RTF1: variants seen among roughly 807,000 people sequenced by gnomAD.
The protein encoded by RTF1 is RNA polymerase-associated protein RTF1 homolog.
RTF1 carries 10 observed loss-of-function variants against 95.7 expected under a neutral mutation model. That is an observed-to-expected ratio of 0.10 (90% confidence interval 0.06 to 0.18). The LOEUF (loss-of-function observed/expected upper bound fraction) is 0.18, where lower values mean the gene tolerates loss of function less well. Among genes scored for constraint, RTF1 ranks in the 10% least tolerant of loss-of-function variants. The probability of loss-of-function intolerance (pLI) is 1.00; values close to 1 mark genes in which losing one functional copy is unlikely to be tolerated. For synonymous variants in RTF1, 305 were observed against 311.8 expected, an observed-to-expected ratio of 0.98 and a Z score of 0.23; for missense variants, 458 against 875.6, an observed-to-expected ratio of 0.52 and a Z score of 6.02.
intron 2 of RTF1, among the ~76,000 whole-genome samples, chr15:41,444,119 A>T (rs1362818292): frequency 1.3e-5 from 2 of 151,478 alleles, no homozygotes; most frequent in African/African-American, 4.8e-5. Flanking sequence ...TTTAATACAA[A>T]AATTAGTCAG....
rs201819459 is a variant in RTF1, at chr15:41,471,320, G to C, written c.1174G>C (p.Gly392Arg). 6.2e-7 allele frequency: 1 copy of C among 1,612,382 alleles called. No homozygotes were observed. The highest frequency in any genetic ancestry group is 8.5e-7 in the Non-Finnish European group (1 of 1,179,536). The stretch of plus-strand genomic sequence containing the variant: ...AGGATGTTTTGTGCGGATTGGCATC[G>C]GAAACCACAACAGCAAACCAGTTTA... ...VTGCFVRIGI[G>R]NHNSKPVYRV... is the part of the protein sequence containing the mutation. Residue 392 changes from glycine (G) to arginine (R), a missense_variant, in exon 8 of 18, where the codon GGA (glycine) becomes CGA (arginine). By Grantham distance (125) the Gly-to-Arg change is moderately radical. This residue lies in a region of RTF1 where 150 missense variants were observed against 275.7 expected (regional missense o/e 0.54). Transcript: ENST00000389629.
At position 41,470,357 on chromosome 15, in the gene RTF1, C is replaced by T; in HGVS notation, c.990C>T (p.Arg330=). 6.2e-7 allele frequency: 1 copy of T among 1,613,960 alleles called. No homozygotes were observed. Among genetic ancestry groups the T allele is most frequent in the Admixed American group, 1.7e-5 (1 of 59,972 alleles). Residue 330 remains arginine, a synonymous_variant, in exon 7 of 18, where the codon CGC becomes CGT. Coordinates refer to ENST00000389629, the MANE Select transcript of RTF1 (RefSeq NM_015138.5). ...ACAAATCCAGTGAAAAGTCAGACCG[C>T]TCATCACGAACATCATCGTCTGATG... ...EDDKSSEKSD[R]SSRTSSSDEE...
chr15:41,423,664 C>A (rs1216031254), intron 1 of RTF1, among the ~76,000 whole-genome samples: 1 of 152,108 alleles, frequency 6.6e-6, no homozygotes, highest in African/African-American at 2.4e-5. Context: ...CCACCACGCC[C>A]AGCCCTGGGA....
At chr15:41,462,340 A>T (rs1188457229) in intron 4 of RTF1, among the ~76,000 whole-genome samples, 3 of 152,102 alleles carry the variant, frequency 2.0e-5, no homozygotes, top group Non-Finnish European at 4.4e-5. Context: ...TAGATTATTC[A>T]TGGGGGCAGG....
chr15:41,443,512 T>G (rs2777491), intron 2 of RTF1, among the ~76,000 whole-genome samples: 51,944 of 151,350 alleles, frequency 0.34, 9,034 homozygotes, highest in African/African-American at 0.41. Context: ...CAGAGAAGCA[T>G]CATCAAAGGT....
At chr15:41,438,832 G>A (rs1323236924) in intron 2 of RTF1, among the ~76,000 whole-genome samples, 1 of 151,584 alleles carries the variant, frequency 6.6e-6, no homozygotes, top group East Asian at 2.0e-4. Flanking sequence ...CTGCACTGCA[G>A]CCTGGGTGAC....
chr15:41,476,014 A>G (rs1049272436), intron 11 of RTF1, among the ~76,000 whole-genome samples, 195 bp downstream of exon 11: 5 of 152,234 alleles, frequency 3.3e-5, no homozygotes, highest in Non-Finnish European at 2.9e-5. Context: ...TGAGGCTAAC[A>G]TAGACTGAAG....
At chr15:41,443,594 G>A (rs889221760) in intron 2 of RTF1, among the ~76,000 whole-genome samples, 6 of 132,120 alleles carry the variant, frequency 4.5e-5, no homozygotes, top group African/African-American at 1.5e-4. Flanking sequence ...TCAATCATGA[G>A]TTGGGGTTAA....
At chr15:41,438,253 C>A in intron 1 of RTF1, 68 bp from the exon 2 acceptor site, 2 of 1,039,854 alleles carry the variant, frequency 1.9e-6, no homozygotes, top group Non-Finnish European at 2.8e-6. Flanking sequence ...AGAGGGTGGG[C>A]ATTTTATTAT....
intron 6 of RTF1, among the ~76,000 whole-genome samples, chr15:41,468,986 T>C (rs2050895711): frequency 6.6e-6 from 1 of 152,194 alleles, no homozygotes; most frequent in Non-Finnish European, 1.5e-5. Flanking sequence ...CTCTCTTTTT[T>C]GAGACAGGAT....
chr15:41,474,165 C>T (rs887107867), intron 8 of RTF1, among the ~76,000 whole-genome samples: 4 of 152,164 alleles, frequency 2.6e-5, no homozygotes, highest in African/African-American at 4.8e-5. Flanking sequence ...GCCTGAACCT[C>T]GGCGCCCAGC....
Position 41,438,413 on chromosome 15 carries a change from G to T in RTF1, c.291G>T (p.Thr97=), listed in dbSNP as rs375005803. The T allele has an allele frequency of 2.0e-5, 31 of 1,550,382 alleles. No individual in the cohort carries two copies. Among genetic ancestry groups the T allele is most frequent in the Non-Finnish European group, 2.6e-5 (30 of 1,146,178 alleles). The change falls in exon 2 of 18, where the codon ACG becomes ACT. Residue 97 remains threonine (T), a synonymous_variant. Transcript: ENST00000389629. ...CTGCAGCCTCGTCAGACTCGGAGACGTCTGACAGTGACGATGAGGTGGGTG... is the reference window on the plus strand; with the variant it reads ...CTGCAGCCTCGTCAGACTCGGAGACTTCTGACAGTGACGATGAGGTGGGTG... ...SQPAASSDSE[T]SDSDDEWTFG...
At chr15:41,475,339 G>T (rs1474338750) in intron 9 of RTF1, among the ~76,000 whole-genome samples, 186 bp from the exon 10 acceptor site, 1 of 152,186 alleles carries the variant, frequency 6.6e-6, no homozygotes, top group Non-Finnish European at 1.5e-5. Context: ...TTGGTTTCCA[G>T]TGCTAGCTTT....
Position 41,482,712 on chromosome 15 carries a change from T to TA in RTF1, c.*2025_*2026insA, listed in dbSNP as rs1212937881. The stretch of plus-strand genomic sequence containing the variant: ...TTGAATAGTCCATTGACCGAAACTC[T>TA]TTATAGACTATTGTGTAAATGTGGA... On this transcript the variant is annotated 3_prime_UTR_variant, in exon 18 of 18. Coordinates refer to ENST00000389629, the MANE Select transcript of RTF1 (RefSeq NM_015138.5). 2.6e-5 allele frequency: 4 copies of TA among 152,606 alleles called. No individual in the cohort carries two copies. Among genetic ancestry groups the TA allele is most frequent in the African/African-American group, 9.7e-5 (4 of 41,438 alleles). 9.5% of individuals were successfully genotyped at this position (152,606 alleles called of 1,614,324 possible). A position where few individuals can be genotyped will look rare whatever the true frequency, so the allele number is the denominator to read the frequency against.
rs2050576081 is a variant in RTF1 at position 41,417,288 on chromosome 15, G to A, written c.173G>A (p.Ser58Asn). The change falls in exon 1 of 18, where the codon AGC becomes AAC. Residue 58 changes from serine (S) to asparagine (N), a missense_variant. This residue lies in a region of RTF1 where 44 missense variants were observed against 99.5 expected (regional missense o/e 0.44). Coordinates refer to ENST00000389629, the MANE Select transcript of RTF1 (RefSeq NM_015138.5). Reference sequence around the variant, plus strand: ...GTGATCGACTCGGACACAGAGGACAGCGGCAGCGACGAGAACCTGGATCAG... The same window carrying A: ...GTGATCGACTCGGACACAGAGGACAACGGCAGCGACGAGAACCTGGATCAG... ...RVVIDSDTED[S>N]GSDENLDQEL... The A allele has an allele frequency of 8.0e-7, 1 of 1,247,738 alleles. No individual in the cohort carries two copies. Among genetic ancestry groups the A allele is most frequent in the African/African-American group, 1.6e-5 (1 of 64,456 alleles). The allele number at this position is 1,247,738 out of a possible 1,614,324, so 77.3% of individuals were successfully genotyped here. A position where few individuals can be genotyped will look rare whatever the true frequency, so the allele number is the denominator to read the frequency against.
chr15:41,444,855 G>C (rs1832488788), intron 2 of RTF1, among the ~76,000 whole-genome samples: 1 of 152,144 alleles, frequency 6.6e-6, no homozygotes, highest in South Asian at 2.1e-4. Context: ...GTTTAGGCTG[G>C]AATACTGCGC....
At chr15:41,426,133 A>T (rs910124281) in intron 1 of RTF1, among the ~76,000 whole-genome samples, 1 of 151,796 alleles carries the variant, frequency 6.6e-6, no homozygotes, top group African/African-American at 2.4e-5. Context: ...AAAAAAAAAA[A>T]ATTTTTTTTG....
chr15:41,430,500 G>A (rs921815135), intron 1 of RTF1, among the ~76,000 whole-genome samples: 1 of 152,082 alleles, frequency 6.6e-6, no homozygotes, highest in Non-Finnish European at 1.5e-5. Flanking sequence ...AGCACTTTGG[G>A]AGGGTGAGGC....
At chr15:41,449,823 C>T (rs535814726) in intron 2 of RTF1, among the ~76,000 whole-genome samples, 36 of 152,022 alleles carry the variant, frequency 2.4e-4, no homozygotes, top group African/African-American at 8.4e-4. Flanking sequence ...AAACAAAAAG[C>T]AAACAACTTT....
Sources: gnomAD v4.1 joint callset for allele counts (sites outside exome capture counted in the v4.1 genomes callset) on GRCh38, gnomAD v4.1.1 for gene constraint, gnomAD v4.1.1 regional missense constraint, MANE v1.5 for transcripts, NCBI Gene and HGNC (gene_info 2026-07-23, HGNC 2026-07-21) for gene names.